The following WDR41 variants were observed in gnomAD, a reference collection of about 807,000 sequenced individuals.
The protein encoded by WDR41 is WD repeat-containing protein 41.
In WDR41, 63 loss-of-function variants were observed where a neutral mutation model predicts 69.3. The ratio of observed to expected loss-of-function variants is 0.91; its 90% confidence interval spans 0.74 to 1.12. The LOEUF (loss-of-function observed/expected upper bound fraction) is 1.12, where lower values mean the gene tolerates loss of function less well. WDR41 is among the 50% of genes most tolerant of loss of function. The probability of loss-of-function intolerance (pLI) is 0.00; values close to 1 mark genes in which losing one functional copy is unlikely to be tolerated. For synonymous variants in WDR41, 185 were observed against 192.1 expected (o/e 0.96, Z 0.31); for missense variants, 543 against 534.5 (o/e 1.02, Z -0.16).
intron 1 of WDR41, among the ~76,000 whole-genome samples, chr5:77,607,054 C>G (rs775349695): frequency 2.6e-5 from 4 of 151,670 alleles, no homozygotes; most frequent in Non-Finnish European, 2.9e-5. Context: ...GAAGACAAAC[C>G]AAGCAGTAGT....
chr5:77,455,702 G>C (rs188369627), intron 5 of WDR41, among the ~76,000 whole-genome samples: 244 of 152,270 alleles, frequency 1.6e-3, no homozygotes, highest in African/African-American at 5.3e-3. Context: ...TTTTTGAAGA[G>C]ACTATTCTTT....
chr5:77,486,177 C>T (rs1025947625), intron 2 of WDR41, among the ~76,000 whole-genome samples: 4 of 152,060 alleles, frequency 2.6e-5, no homozygotes, highest in Admixed American at 1.3e-4. Context: ...ATGACTCTTT[C>T]GGTTTTTCTT....
At chr5:77,570,580 T>C (rs933746553) in intron 1 of WDR41, among the ~76,000 whole-genome samples, 3 of 150,052 alleles carry the variant, frequency 2.0e-5, no homozygotes, top group Non-Finnish European at 4.4e-5. Flanking sequence ...AAAGTTTATA[T>C]TTGCATAGCT....
At chr5:77,527,807 T>G (rs1802470982) in intron 1 of WDR41, among the ~76,000 whole-genome samples, 1 of 151,800 alleles carries the variant, frequency 6.6e-6, no homozygotes, top group Non-Finnish European at 1.5e-5. Context: ...TTTCCATCTA[T>G]GTGGAAAATA....
intron 1 of WDR41, among the ~76,000 whole-genome samples, chr5:77,606,545 G>C (rs1318593755): frequency 4.6e-5 from 7 of 152,154 alleles, no homozygotes; most frequent in Non-Finnish European, 7.4e-5. Context: ...TGTGGTGGCT[G>C]TAATCCCAGC....
chr5:77,465,275 C>T (rs534971189), intron 2 of WDR41, among the ~76,000 whole-genome samples: 164 of 152,238 alleles, frequency 1.1e-3, no homozygotes, highest in African/African-American at 3.8e-3. Context: ...AGTCTTTCCA[C>T]ATAAATGCTT....
intron 1 of WDR41, among the ~76,000 whole-genome samples, chr5:77,546,890 C>T (rs910302280): frequency 2.6e-5 from 4 of 151,986 alleles, no homozygotes; most frequent in African/African-American, 4.8e-5. Flanking sequence ...ACTAGCTAAC[C>T]GAATCCAACA....
chr5:77,583,232 T>A, intron 1 of WDR41: 1 of 673,032 alleles, frequency 1.5e-6, no homozygotes, highest in South Asian at 2.0e-5. Flanking sequence ...TTAAAAAAGC[T>A]ACCCACAGGC....
chr5:77,460,107 C>A (rs910502459), intron 4 of WDR41, among the ~76,000 whole-genome samples: 16 of 152,340 alleles, frequency 1.1e-4, no homozygotes, highest in African/African-American at 3.6e-4. Context: ...CAGCTCCAGG[C>A]TGCTGCTGCC....
chr5:77,585,239 T>C (rs2112298026), intron 1 of WDR41, among the ~76,000 whole-genome samples: 1 of 152,282 alleles, frequency 6.6e-6, no homozygotes, highest in South Asian at 2.1e-4. Flanking sequence ...ACATCACTAA[T>C]GATTAGAGAA....
At chr5:77,551,245 A>C (rs1743289370) in intron 1 of WDR41, among the ~76,000 whole-genome samples, 1 of 152,184 alleles carries the variant, frequency 6.6e-6, no homozygotes, top group African/African-American at 2.4e-5. Flanking sequence ...AGAAAGAAAG[A>C]ATAAAATAAA....
At chr5:77,564,464 T>C (rs939738496) in intron 1 of WDR41, among the ~76,000 whole-genome samples, 10 of 152,190 alleles carry the variant, frequency 6.6e-5, no homozygotes, top group East Asian at 1.9e-4. Flanking sequence ...TAAGACTTCA[T>C]GGACAGCGTT....
intron 2 of WDR41, among the ~76,000 whole-genome samples, chr5:77,466,916 C>G (rs1342672528): frequency 6.6e-6 from 1 of 150,552 alleles, no homozygotes; most frequent in Non-Finnish European, 1.5e-5. Context: ...TAGTACCTGT[C>G]ATAAAAAAAC....
chr5:77,532,123 T>G (rs572605369), intron 1 of WDR41, among the ~76,000 whole-genome samples: 16 of 152,050 alleles, frequency 1.1e-4, no homozygotes, highest in Non-Finnish European at 2.4e-4. Context: ...AAATTTCAAC[T>G]CAATTTTAAA....
chr5:77,499,144 T>C (rs1369949555), intron 1 of WDR41, among the ~76,000 whole-genome samples: 1 of 152,164 alleles, frequency 6.6e-6, no homozygotes, highest in East Asian at 1.9e-4. Context: ...ACTATAAACC[T>C]TGAACAAAAT....
At chr5:77,582,371 G>C in intron 1 of WDR41, 1 of 1,607,988 alleles carries the variant, frequency 6.2e-7, no homozygotes, top group Non-Finnish European at 8.5e-7. Flanking sequence ...TTTCCGGCTG[G>C]AACCATGGAG....
intron 1 of WDR41, among the ~76,000 whole-genome samples, chr5:77,584,054 G>A (rs1294028035): frequency 6.6e-6 from 1 of 152,084 alleles, no homozygotes; most frequent in Non-Finnish European, 1.5e-5. Context: ...TTATGATAAA[G>A]ACACTCAACA....
chr5:77,485,269 G>C lies in WDR41; in HGVS notation c.167+4188C>G, dbSNP rs539624928. 3.0e-4 allele frequency among the ~76,000 whole-genome samples: 46 copies of C among 152,292 alleles called. 2 individuals are homozygous for C. In the South Asian group the frequency reaches 9.5e-3, roughly 32 times the overall value. On this transcript the variant is annotated intron_variant, in intron 2 of 12. Coordinates refer to ENST00000296679, the MANE Select transcript of WDR41 (RefSeq NM_018268.4). ...GACTATCTGTTTCCCAGGGAACCCA[G>C]ATCCTAGGATCTAAACTATACTGAT...
chr5:77,519,641 C>G (rs1802343419), intron 1 of WDR41, among the ~76,000 whole-genome samples: 1 of 151,636 alleles, frequency 6.6e-6, no homozygotes, highest in Admixed American at 6.6e-5. Context: ...CCTTGGTTTG[C>G]ATTTAAGTTG....
Sources: gnomAD v4.1 joint callset for allele counts (sites outside exome capture counted in the v4.1 genomes callset) on GRCh38, gnomAD v4.1.1 for gene constraint, MANE v1.5 for transcripts, NCBI Gene and HGNC (gene_info 2026-07-23, HGNC 2026-07-21) for gene names.